EPHA6: variants seen among roughly 807,000 people sequenced by gnomAD.
The protein encoded by EPHA6 is ephrin type-A receptor 6.
A neutral mutation model predicts 112.0 loss-of-function variants in EPHA6; 50 were observed. The ratio of observed to expected loss-of-function variants is 0.45; its 90% CI spans 0.36 to 0.56. The LOEUF (loss-of-function observed/expected upper bound fraction) is 0.56, where lower values mean the gene tolerates loss of function less well. Ranked by LOEUF, EPHA6 falls within the 20% of genes least tolerant of loss-of-function variation. The probability of loss-of-function intolerance (pLI) is 0.00; values close to 1 mark genes in which losing one functional copy is unlikely to be tolerated. For synonymous variants in EPHA6, 529 were observed against 490.7 expected (o/e 1.08, Z -1.03); for missense variants, 1,280 against 1,417.4 (o/e 0.90, Z 1.56).
intron 3 of EPHA6, among the ~76,000 whole-genome samples, chr3:97,166,429 G>A (rs1043484874): frequency 1.3e-5 from 2 of 151,550 alleles, no homozygotes; most frequent in Admixed American, 6.6e-5. Context: ...GGGGTGGGGA[G>A]ACCCTGCCTG....
At position 97,479,353 on chromosome 3, in the gene EPHA6, A is replaced by C. The variant is rs1030229313; in HGVS notation, c.2063A>C (p.Gln688Pro). The C allele has an allele frequency of 1.2e-6, 2 of 1,605,722 alleles. No individual in the cohort carries two copies. Among genetic ancestry groups the C allele is most frequent in the Admixed American group, 3.4e-5 (2 of 58,560 alleles). Residue 688 changes from glutamine to proline, a missense_variant, in exon 9 of 18, where the codon CAG becomes CCG. Coordinates refer to ENST00000389672, the MANE Select transcript of EPHA6 (RefSeq NM_001080448.3). ...GAAGAGAAGAGAAGAAACCACTTACAGAATGGGCATTGTAAGTAGCGCAGG... is the reference window on the plus strand; with the variant it reads ...GAAGAGAAGAGAAGAAACCACTTACCGAATGGGCATTGTAAGTAGCGCAGG... Reference protein sequence around the residue: ...KSEEKRRNHLQNGHLRFPGIK... With the variant: ...KSEEKRRNHLPNGHLRFPGIK...
At chr3:97,706,581 C>A (rs1251966278) in intron 14 of EPHA6, among the ~76,000 whole-genome samples, 1 of 152,162 alleles carries the variant, frequency 6.6e-6, no homozygotes, top group Admixed American at 6.5e-5. Context: ...AGACAACTTG[C>A]AATTTCTTGG....
At chr3:97,069,113 C>T (rs1192937667) in intron 3 of EPHA6, among the ~76,000 whole-genome samples, 1 of 152,060 alleles carries the variant, frequency 6.6e-6, no homozygotes, top group Non-Finnish European at 1.5e-5. Context: ...TGTGACTACC[C>T]CACAGTTTAA....
At chr3:97,546,840 C>T (rs578121448) in intron 11 of EPHA6, among the ~76,000 whole-genome samples, 8 of 152,320 alleles carry the variant, frequency 5.3e-5, no homozygotes, top group Admixed American at 3.3e-4. Flanking sequence ...GATACCCTTT[C>T]TTCCAGTTGA....
chr3:97,665,266 A>G (rs1410330914), intron 14 of EPHA6, among the ~76,000 whole-genome samples: 3 of 152,216 alleles, frequency 2.0e-5, no homozygotes, highest in Non-Finnish European at 4.4e-5. Flanking sequence ...GGCTAGCCAT[A>G]CGTAGAAAGC....
intron 5 of EPHA6, among the ~76,000 whole-genome samples, chr3:97,395,940 G>A (rs1034196621): frequency 2.0e-5 from 3 of 151,604 alleles, no homozygotes; most frequent in Non-Finnish European, 4.4e-5. Flanking sequence ...TTAGAACCTA[G>A]GACATAGTTG....
intron 2 of EPHA6, among the ~76,000 whole-genome samples, chr3:96,896,202 G>A (rs142868635): frequency 4.7e-4 from 71 of 152,084 alleles, no homozygotes; most frequent in African/African-American, 1.6e-3. Context: ...TCATCAATGA[G>A]GTTTTCCTTT....
At chr3:97,038,565 G>T (rs999135904) in intron 3 of EPHA6, among the ~76,000 whole-genome samples, 1 of 152,020 alleles carries the variant, frequency 6.6e-6, no homozygotes, top group African/African-American at 2.4e-5. Context: ...TCACTGATAG[G>T]CAATGAGGTT....
chr3:97,487,337 T>C (rs894058719), intron 10 of EPHA6, among the ~76,000 whole-genome samples: 19 of 152,216 alleles, frequency 1.2e-4, no homozygotes, highest in African/African-American at 4.6e-4. Context: ...CAGAAATAAA[T>C]GTAAAACAGC....
intron 3 of EPHA6, among the ~76,000 whole-genome samples, chr3:97,123,666 G>T (rs193037490): frequency 1.3e-5 from 2 of 151,968 alleles, no homozygotes; most frequent in African/African-American, 4.8e-5. Context: ...AGAGAGAAAG[G>T]GTCAATAGAC....
chr3:97,025,560 T>G (rs1451348932), intron 3 of EPHA6, among the ~76,000 whole-genome samples: 2 of 152,192 alleles, frequency 1.3e-5, no homozygotes, highest in African/African-American at 4.8e-5. Flanking sequence ...CCCGTGCCTA[T>G]GTCCTCAGTG....
intron 2 of EPHA6, among the ~76,000 whole-genome samples, chr3:96,984,772 C>A (rs898345895): frequency 1.3e-5 from 2 of 152,146 alleles, no homozygotes; most frequent in Admixed American, 1.3e-4. Context: ...CTCCCCCAGC[C>A]CTGCTGCCTT....
At chr3:97,535,772 A>T (rs1018353311) in intron 11 of EPHA6, among the ~76,000 whole-genome samples, 1 of 152,024 alleles carries the variant, frequency 6.6e-6, no homozygotes, top group Non-Finnish European at 1.5e-5. Context: ...AAATTCATAG[A>T]CTCTCAGTTG....
intron 5 of EPHA6, among the ~76,000 whole-genome samples, chr3:97,327,258 G>A (rs959026942): frequency 6.6e-6 from 1 of 151,962 alleles, no homozygotes; most frequent in African/African-American, 2.4e-5. Context: ...GTTTTCATGA[G>A]TGCAATTCTT....
intron 6 of EPHA6, among the ~76,000 whole-genome samples, chr3:97,423,641 G>A (rs2088861946): frequency 6.6e-6 from 1 of 151,990 alleles, no homozygotes; most frequent in Non-Finnish European, 1.5e-5. Flanking sequence ...TACAGAATTA[G>A]AAAAAACCTT....
chr3:97,286,052 A>G (rs1399915504), intron 5 of EPHA6, among the ~76,000 whole-genome samples: 1 of 152,068 alleles, frequency 6.6e-6, no homozygotes, highest in Non-Finnish European at 1.5e-5. Context: ...ATGTCTGTTT[A>G]TCCCTTTGGT....
At chr3:97,737,660 T>C (rs1198628390) in intron 16 of EPHA6, among the ~76,000 whole-genome samples, 1 of 152,034 alleles carries the variant, frequency 6.6e-6, no homozygotes, top group Non-Finnish European at 1.5e-5. Context: ...GAGTTGCAGA[T>C]GCCTGTGGGA....
At chr3:97,497,083 G>A (rs184088558) in intron 10 of EPHA6, among the ~76,000 whole-genome samples, 6 of 152,214 alleles carry the variant, frequency 3.9e-5, no homozygotes, top group Admixed American at 1.3e-4. Flanking sequence ...CCACTCCGTG[G>A]TATGTTCTCC....
intron 2 of EPHA6, among the ~76,000 whole-genome samples, chr3:96,931,549 A>G (rs913414848): frequency 1.3e-5 from 2 of 152,184 alleles, no homozygotes; most frequent in African/African-American, 4.8e-5. Flanking sequence ...CACTTAAAGA[A>G]GCAGTCTGGC....
Sources: allele counts gnomAD v4.1 joint callset (sites outside exome capture counted in the v4.1 genomes callset), GRCh38; gene constraint gnomAD v4.1.1; transcripts MANE v1.5; gene names NCBI Gene and HGNC (gene_info 2026-07-23, HGNC 2026-07-21).